Variants in ARNT2 observed in about 807,000 individuals in gnomAD.
ARNT2 encodes the protein ARNT protein 2.
ARNT2 carries 36 observed loss-of-function variants against 91.7 expected under a neutral mutation model. The observed-to-expected ratio is 0.39, with a 90% CI of 0.30 to 0.52. The LOEUF (loss-of-function observed/expected upper bound fraction) is 0.52, where lower values mean the gene tolerates loss of function less well. Among genes scored for constraint, ARNT2 ranks in the 20% least tolerant of loss-of-function variants. The pLI is 0.72. For synonymous variants in ARNT2, 365 were observed against 347.1 expected (o/e 1.05, Z -0.57); for missense variants, 775 against 939.3 (o/e 0.83, Z 2.29).
chr15:80,407,867 T>C (rs1895622590), intron 1 of ARNT2, among the ~76,000 whole-genome samples: 1 of 152,220 alleles, frequency 6.6e-6, no homozygotes, highest in Admixed American at 6.5e-5. Flanking sequence ...TTCCCCAATG[T>C]CATTGTTCCA....
chr15:80,556,660 G>A (rs117472188), intron 11 of ARNT2: 9,262 of 152,414 alleles, frequency 0.061, 340 homozygotes, highest in Middle Eastern at 0.12. Flanking sequence ...GCTGTGTACC[G>A]AGCACCTACT....
At chr15:80,422,508 A>AT (rs1441434310) in intron 1 of ARNT2, among the ~76,000 whole-genome samples, 2 of 152,240 alleles carry the variant, frequency 1.3e-5, no homozygotes, top group African/African-American at 2.4e-5. Context: ...ACATTTTTAG[A>AT]TAAAAATTTG....
In ARNT2 at chr15:80,581,476, G is replaced by C. The variant is rs941345617; in HGVS notation, c.1918+72G>C. 3 of 1,584,428 alleles carry C rather than the reference G, an allele frequency of 1.9e-6. No individual in the cohort carries two copies. In the African/African-American group the frequency reaches 4.0e-5, roughly 21 times the overall value. On this transcript the variant is annotated intron_variant, in intron 17 of 18. Transcript: ENST00000303329. The stretch of plus-strand genomic sequence containing the variant: ...TGCTTTCTGAACAGCCTGAATTCAG[G>C]AGGCTGAGCTCCAAGCTCCCAGCTA...
chr15:80,477,206 GA>G (rs1410195240), intron 5 of ARNT2, among the ~76,000 whole-genome samples: 2 of 152,122 alleles, frequency 1.3e-5, no homozygotes, highest in Non-Finnish European at 2.9e-5. Context: ...TTTTCTTTGT[GA>G]ATTACCCAGT....
chr15:80,427,973 G>C (rs1895955756), intron 1 of ARNT2, among the ~76,000 whole-genome samples: 1 of 152,220 alleles, frequency 6.6e-6, no homozygotes, highest in Non-Finnish European at 1.5e-5. Flanking sequence ...GTCTTCTCCA[G>C]CGTTCACTGT....
At chr15:80,410,267 C>A (rs527519057) in intron 1 of ARNT2, among the ~76,000 whole-genome samples, 3 of 152,162 alleles carry the variant, frequency 2.0e-5, no homozygotes, top group Non-Finnish European at 2.9e-5. Flanking sequence ...CCTGTCCATC[C>A]CTTGGGCACG....
At chr15:80,476,618 G>A (rs1202372109) in intron 5 of ARNT2, among the ~76,000 whole-genome samples, 1 of 152,194 alleles carries the variant, frequency 6.6e-6, no homozygotes, top group Non-Finnish European at 1.5e-5. Context: ...TTTGCCCATA[G>A]TAGGCCTTCA....
rs114321435 is a variant in ARNT2, at chr15:80,413,580, C to T, written c.31+9034C>T. 2.5e-3 allele frequency among the ~76,000 whole-genome samples: 379 copies of T among 152,312 alleles called. 1 individual carries two copies. Among genetic ancestry groups the T allele is most frequent in the African/African-American group, 8.6e-3 (358 of 41,570 alleles). On this transcript the variant is annotated intron_variant, in intron 1 of 18. Coordinates refer to ENST00000303329, the MANE Select transcript of ARNT2 (RefSeq NM_014862.4). ...TGATTTGGCCATCCCTACTTTTCTT[C>T]CAACAACTCTAAAAAAGTGGAGAGC...
chr15:80,460,244 T>C (rs1373062733), intron 3 of ARNT2, among the ~76,000 whole-genome samples: 1 of 152,164 alleles, frequency 6.6e-6, no homozygotes, highest in Non-Finnish European at 1.5e-5. Context: ...CAAGGGGGCT[T>C]CCCAGTTTAA....
chr15:80,497,091 G>A (rs866054530), intron 5 of ARNT2, among the ~76,000 whole-genome samples: 3 of 152,190 alleles, frequency 2.0e-5, no homozygotes, highest in Non-Finnish European at 2.9e-5. Context: ...GACCATGTGG[G>A]CAATATACTA....
At chr15:80,490,001 C>T (rs1057155951) in intron 5 of ARNT2, among the ~76,000 whole-genome samples, 1 of 152,124 alleles carries the variant, frequency 6.6e-6, no homozygotes, top group Non-Finnish European at 1.5e-5. Context: ...AAATGCTTGT[C>T]ATCTTTTTTT....
intron 1 of ARNT2, among the ~76,000 whole-genome samples, chr15:80,417,674 C>G (rs1001593818): frequency 1.1e-4 from 17 of 151,974 alleles, no homozygotes; most frequent in African/African-American, 4.1e-4. Flanking sequence ...CCAACCCCCT[C>G]CCTTTTTTTA....
intron 17 of ARNT2, among the ~76,000 whole-genome samples, chr15:80,585,961 G>A (rs909657215): frequency 1.3e-5 from 2 of 152,226 alleles, no homozygotes; most frequent in Non-Finnish European, 2.9e-5. Flanking sequence ...TGTTTGCAGG[G>A]TGTAGTTTCA....
intron 1 of ARNT2, among the ~76,000 whole-genome samples, chr15:80,431,064 C>G (rs1481226917): frequency 6.6e-6 from 1 of 152,154 alleles, no homozygotes; most frequent in African/African-American, 2.4e-5. Context: ...ACGATCCCCC[C>G]ACAAAGCAAT....
chr15:80,535,371 C>T (rs1022806326), intron 8 of ARNT2, among the ~76,000 whole-genome samples: 16 of 152,130 alleles, frequency 1.1e-4, no homozygotes, highest in Non-Finnish European at 2.1e-4. Flanking sequence ...CCGTTATGTT[C>T]ATTATTTTGC....
chr15:80,431,959 C>T (rs1376741949), intron 1 of ARNT2, among the ~76,000 whole-genome samples: 1 of 152,218 alleles, frequency 6.6e-6, no homozygotes, highest in East Asian at 1.9e-4. Flanking sequence ...CTGCCCAGGG[C>T]CGCTCCTCCT....
intron 8 of ARNT2, among the ~76,000 whole-genome samples, chr15:80,518,964 C>T (rs1897487558): frequency 6.6e-6 from 1 of 152,128 alleles, no homozygotes; most frequent in African/African-American, 2.4e-5. Context: ...CTGTGAGAAC[C>T]TGGTGGGTTC....
intron 1 of ARNT2, among the ~76,000 whole-genome samples, chr15:80,442,478 G>A (rs888382964): frequency 6.6e-6 from 1 of 152,198 alleles, no homozygotes; most frequent in African/African-American, 2.4e-5. Context: ...TCTGACCATC[G>A]TTCAGCTTCT....
At chr15:80,431,129 C>A (rs1490443567) in intron 1 of ARNT2, among the ~76,000 whole-genome samples, 11 of 152,174 alleles carry the variant, frequency 7.2e-5, no homozygotes, top group African/African-American at 2.7e-4. Context: ...ACCACCACCC[C>A]ATTCCCTCAA....
Sources: gnomAD v4.1 joint callset for allele counts (sites outside exome capture counted in the v4.1 genomes callset) on GRCh38, gnomAD v4.1.1 for gene constraint, MANE v1.5 for transcripts, NCBI Gene and HGNC (gene_info 2026-07-23, HGNC 2026-07-21) for gene names.